CFAP44: variants seen among roughly 807,000 people sequenced by gnomAD.
CFAP44 encodes cilia and flagella associated protein 44.
Under a neutral mutation model 216.2 loss-of-function variants are expected in CFAP44, and 134 were observed. That is an observed-to-expected ratio of 0.62 (90% CI 0.54 to 0.72). The LOEUF (loss-of-function observed/expected upper bound fraction) is 0.72, where lower values mean the gene tolerates loss of function less well. Ranked by LOEUF, CFAP44 falls within the 30% of genes least tolerant of loss-of-function variation. The pLI, the probability that CFAP44 is intolerant of heterozygous loss-of-function variation, is 0.00. For synonymous variants in CFAP44, 700 were observed against 727.6 expected (o/e 0.96, Z 0.61); for missense variants, 2,035 against 2,182.1 (o/e 0.93, Z 1.34).
intron 6 of CFAP44, among the ~76,000 whole-genome samples, chr3:113,411,777 T>C (rs1934483208): frequency 6.6e-6 from 1 of 152,372 alleles, no homozygotes; most frequent in South Asian, 2.1e-4. Flanking sequence ...TCCATGAGCA[T>C]GGAATGTTCT....
chr3:113,302,370 T>G (rs972364028), intron 32 of CFAP44, among the ~76,000 whole-genome samples: 1 of 147,862 alleles, frequency 6.8e-6, no homozygotes, highest in African/African-American at 2.5e-5. Context: ...ATACACATAG[T>G]GCACAAACCA....
At chr3:113,404,038 GA>G in intron 8 of CFAP44, 22 bp from the exon 9 acceptor site, 1 of 1,605,074 alleles carries the variant, frequency 6.2e-7, no homozygotes, top group South Asian at 1.1e-5. Flanking sequence ...GTGGAAAAAA[GA>G]AATGTGCATT....
rs942230746 is a variant in CFAP44 at position 113,341,792 on chromosome 3, T to C, written c.3389A>G (p.Glu1130Gly). 6 of 1,528,542 alleles carry C rather than the reference T, an allele frequency of 3.9e-6. No individual in the cohort carries two copies. In the African/African-American group the frequency reaches 8.3e-5, roughly 21 times the overall value. The allele number at this position is 1,528,542 out of a possible 1,614,324, so 94.7% of individuals were successfully genotyped here. Residue 1130 changes from glutamate to glycine, a missense_variant, in exon 24 of 35, where the codon GAA (glutamate) becomes GGA (glycine). Glu to Gly is a moderately conservative substitution (Grantham distance 98, BLOSUM62 -2). Around this residue, in one of 3 missense-constraint regions of CFAP44, gnomAD observed 1,883 missense variants for 2,023.7 expected, o/e 0.93. Transcript: ENST00000393845. The part of the protein sequence containing the change: ...EKTRKLILKA[E>G]RAQLKIQQRK... ...CTGTTGAATCTTTAGTTGTGCCCTT[T>C]CAGCTTTTAATATAAGTTTTCTCGT...
chr3:113,388,431 G>C (rs923743353), intron 15 of CFAP44, among the ~76,000 whole-genome samples: 2 of 151,762 alleles, frequency 1.3e-5, no homozygotes, highest in Admixed American at 1.3e-4. Flanking sequence ...CATACCACCA[G>C]AGAAAATCAC....
rs142563282 is a variant in CFAP44 at position 113,421,616 on chromosome 3, G to A, written c.408-1437C>T. 2.0e-3 allele frequency among the ~76,000 whole-genome samples: 299 copies of A among 152,260 alleles called. 3 individuals carry two copies. The highest frequency in any genetic ancestry group is 6.9e-3 in the African/African-American group (287 of 41,550). ...ACCCATCAGTGGTGCACTGGATAAC[G>A]AAAATGTGGCATATATACACCATGA... is the stretch of plus-strand genomic sequence containing the variant. On this transcript the variant is annotated intron_variant, in intron 4 of 34. Transcript: ENST00000393845.
chr3:113,296,140 G>A (rs1478861596), intron 33 of CFAP44, among the ~76,000 whole-genome samples: 2 of 151,788 alleles, frequency 1.3e-5, no homozygotes, highest in African/African-American at 2.4e-5. Context: ...ACTTATAAGT[G>A]AGAACATGCA....
chr3:113,305,118 T>A lies in CFAP44; in HGVS notation c.4793A>T (p.Glu1598Val). The change falls in exon 31 of 35, where the codon GAG becomes GTG. Residue 1598 changes from glutamate (E) to valine (V), a missense_variant. Physicochemically the swap from Glu to Val is moderately radical, Grantham distance 121 (BLOSUM62 -2). Around this residue, in one of 3 missense-constraint regions of CFAP44, gnomAD observed 1,883 missense variants for 2,023.7 expected, o/e 0.93. Transcript: ENST00000393845. ...KIVATNLNAA[E>V]EALEAYQREK... ...TCGCTGATAAGCCTCCAGGGCCTCC[T>A]CTGCTGCATTCAGATTAGTTGCCAC... 6.5e-7 allele frequency: 1 copy of A among 1,537,268 alleles called. No individual in the cohort carries two copies. The highest frequency in any genetic ancestry group is 8.7e-7 in the Non-Finnish European group (1 of 1,146,904).
chr3:113,329,638 T>G (rs1277005108), intron 26 of CFAP44, among the ~76,000 whole-genome samples: 1 of 152,182 alleles, frequency 6.6e-6, no homozygotes, highest in Admixed American at 6.5e-5. Flanking sequence ...CAACAGGCCC[T>G]AGTCTGGTCC....
chr3:113,325,328 A>G lies in CFAP44; in HGVS notation c.4516+1117T>C, dbSNP rs530031502. Among the ~76,000 whole-genome samples, 3 of 152,136 alleles carry G rather than the reference A, an allele frequency of 2.0e-5. No individual in the cohort carries two copies. In the South Asian group the frequency reaches 6.2e-4, roughly 32 times the overall value. On this transcript the variant is annotated intron_variant, in intron 28 of 34. Transcript: ENST00000393845. ...AAAAAAAAAAAAAAATCACTAAAAA[A>G]GGAAATAGGTGTAAATCTAACAAAA...
At chr3:113,391,754 G>C (rs554907443) in intron 15 of CFAP44, among the ~76,000 whole-genome samples, 11 of 152,228 alleles carry the variant, frequency 7.2e-5, no homozygotes, top group Admixed American at 3.3e-4. Context: ...GTTCTGAAGA[G>C]ACATTTCTGA....
At chr3:113,356,936 CAT>C (rs1308739529) in intron 22 of CFAP44, among the ~76,000 whole-genome samples, 4 of 152,016 alleles carry the variant, frequency 2.6e-5, no homozygotes, top group African/African-American at 9.7e-5. Context: ...CACATACATA[CAT>C]GTCATATACG....
At chr3:113,329,746 A>G (rs1950223998) in intron 26 of CFAP44, among the ~76,000 whole-genome samples, 1 of 152,210 alleles carries the variant, frequency 6.6e-6, no homozygotes, top group African/African-American at 2.4e-5. Context: ...AACAAACCAC[A>G]TATTAGAGAA....
chr3:113,296,703 T>C, intron 33 of CFAP44, 22 bp downstream of exon 33: 1 of 1,532,510 alleles, frequency 6.5e-7, no homozygotes, highest in Non-Finnish European at 8.8e-7. Flanking sequence ...CAACCAAAGA[T>C]CAACCCCCTT....
intron 22 of CFAP44, among the ~76,000 whole-genome samples, chr3:113,345,127 G>T (rs1365560432): frequency 6.8e-6 from 1 of 147,866 alleles, no homozygotes; most frequent in East Asian, 1.9e-4. Flanking sequence ...ATATATAATA[G>T]ATTATTATAT....
At chr3:113,426,102 C>T (rs538681310) in intron 4 of CFAP44, 22 bp downstream of exon 4, 2 of 1,606,034 alleles carry the variant, frequency 1.2e-6, no homozygotes, top group African/African-American at 2.7e-5. Flanking sequence ...CAAAATTATA[C>T]ATATTTAGCC....
chr3:113,361,856 AT>A (rs79419654), intron 21 of CFAP44, among the ~76,000 whole-genome samples: 38,443 of 150,820 alleles, frequency 0.25, 5,038 homozygotes, highest in East Asian at 0.41. Context: ...TCTGACCACA[AT>A]TTTTTTTTAC....
chr3:113,312,508 A>G (rs1166066250), intron 28 of CFAP44, among the ~76,000 whole-genome samples: 1 of 152,194 alleles, frequency 6.6e-6, no homozygotes, highest in Non-Finnish European at 1.5e-5. Context: ...AGAAATTTGC[A>G]TAAGTAAATT....
chr3:113,413,504 T>C (rs952558240), intron 6 of CFAP44, among the ~76,000 whole-genome samples: 2 of 152,218 alleles, frequency 1.3e-5, no homozygotes, highest in African/African-American at 4.8e-5. Flanking sequence ...TGGTTTTGGA[T>C]TTTACATTTA....
In CFAP44 at chr3:113,420,164, A is replaced by G; in HGVS notation, c.423T>C (p.Tyr141=). ...GTAGGTTGGCTCGCTTTCTACAGTC[A>G]TAACCAAAAGAATGTCTGAGGGAAA... ...DLLTLVHSFG[Y]DCRKRANLQL... The change falls in exon 5 of 35, where the codon TAT becomes TAC. Residue 141 remains tyrosine, a synonymous_variant. Coordinates refer to ENST00000393845, the MANE Select transcript of CFAP44 (RefSeq NM_001164496.2). The G allele has an allele frequency of 1.9e-6, 3 of 1,611,794 alleles. No individual in the cohort carries two copies. Among genetic ancestry groups the G allele is most frequent in the Non-Finnish European group, 2.5e-6 (3 of 1,178,908 alleles).
Sources: allele counts gnomAD v4.1 joint callset (sites outside exome capture counted in the v4.1 genomes callset), GRCh38; gene constraint gnomAD v4.1.1; regional missense constraint gnomAD v4.1.1; transcripts MANE v1.5; gene names NCBI Gene and HGNC (gene_info 2026-07-23, HGNC 2026-07-21).